LDHAL6B: variants seen among roughly 807,000 people sequenced by gnomAD.
LDHAL6B encodes the protein lactate dehydrogenase A like 6B.
For missense variants in LDHAL6B, 523 were observed against 473.9 expected (o/e 1.10, Z -0.96); for synonymous variants, 205 against 170.6 (o/e 1.20, Z -1.57).
In LDHAL6B at chr15:59,208,096, A is replaced by T; in HGVS notation, c.*10A>T. 1 of 1,551,420 alleles carries T rather than the reference A, an allele frequency of 6.4e-7. No homozygotes were observed. The highest frequency in any genetic ancestry group is 1.4e-5 in the African/African-American group (1 of 72,228). ...TAAGCTTAAGCTTTAAAGTTGCCTA[A>T]AACTACCATTCCGAAATTATTGAAG... On this transcript the variant is annotated 3_prime_UTR_variant, in exon 1 of 1. Transcript: ENST00000307144.
rs2079845764 is a variant in LDHAL6B at position 59,207,484 on chromosome 15, C to T, written c.544C>T (p.Leu182=). The change falls in exon 1 of 1, where the codon CTG becomes TTG. Residue 182 remains leucine, a synonymous_variant. Transcript: ENST00000307144. ...SIVQYSPHCK[L]IIVSNPVDIL... is the part of the protein sequence containing the mutation. ...TGTCCAGTACAGCCCCCACTGCAAA[C>T]TGATTATTGTTTCCAATCCAGTGGA... 1.9e-6 allele frequency: 3 copies of T among 1,613,892 alleles called. No homozygotes were observed. The highest frequency in any genetic ancestry group is 1.7e-5 in the Admixed American group (1 of 59,986).
rs1371269208 is a variant in LDHAL6B, at chr15:59,207,429, G to A, written c.489G>A (p.Val163=). The change falls in exon 1 of 1, where the codon GTG becomes GTA. Residue 163 remains valine, a synonymous_variant. Coordinates refer to ENST00000307144, the MANE Select transcript of LDHAL6B (RefSeq NM_033195.3). ...ETRLNLVQRN[V]AIFKLMISSI... is the part of the protein sequence containing the mutation. ...GCCTTAATTTAGTCCAGCGAAATGT[G>A]GCCATCTTCAAGTTAATGATTTCCA... The A allele has an allele frequency of 1.1e-5, 18 of 1,613,904 alleles. No individual in the cohort carries two copies. The African/African-American group carries it at 1.9e-4, about 17-fold the overall frequency.
chr15:59,207,431 C>A lies in LDHAL6B; in HGVS notation c.491C>A (p.Ala164Asp). 6.2e-7 allele frequency: 1 copy of A among 1,614,024 alleles called. No individual in the cohort carries two copies. The highest frequency in any genetic ancestry group is 1.3e-5 in the African/African-American group (1 of 75,028). Residue 164 changes from alanine (A) to aspartate (D), a missense_variant, in exon 1 of 1, where the codon GCC becomes GAC. Transcript: ENST00000307144. ...CTTAATTTAGTCCAGCGAAATGTGG[C>A]CATCTTCAAGTTAATGATTTCCAGT... is the stretch of plus-strand genomic sequence containing the variant. ...TRLNLVQRNV[A>D]IFKLMISSIV...
In LDHAL6B at chr15:59,206,910, T is replaced by TTC. The variant is rs1296759217; in HGVS notation, c.-22_-21dup. 6 of 1,588,930 alleles carry TTC rather than the reference T, an allele frequency of 3.8e-6. No individual in the cohort carries two copies. The South Asian group carries it at 5.7e-5, about 15-fold the overall frequency. On this transcript the variant is annotated 5_prime_UTR_variant, in exon 1 of 1. Transcript: ENST00000307144. ...CGTTCGGATCAGCAGCTTTTTTCCATTCTCTCTCTCCACTTCTTCAGTGAG... is the reference window on the plus strand; with the variant it reads ...CGTTCGGATCAGCAGCTTTTTTCCATTCTCTCTCTCTCCACTTCTTCAGTGAG...
chr15:59,208,186 C>A lies in LDHAL6B; in HGVS notation c.*100C>A. On this transcript the variant is annotated 3_prime_UTR_variant, in exon 1 of 1. Transcript: ENST00000307144. ...AACTTGAATTCCTAAAAGATGGAAA[C>A]AGGAAAGTAGGTAGAGTGATTTTCC... 9.1e-7 allele frequency: 1 copy of A among 1,099,336 alleles called. No individual in the cohort carries two copies. The highest frequency in any genetic ancestry group is 1.3e-6 in the Non-Finnish European group (1 of 776,382). 68.1% of individuals were successfully genotyped at this position (1,099,336 alleles called of 1,614,324 possible). A position where few individuals can be genotyped will look rare whatever the true frequency, so the allele number is the denominator to read the frequency against.
In LDHAL6B at chr15:59,207,497, C is replaced by A. The variant is rs2079845958; in HGVS notation, c.557C>A (p.Ser186Tyr). The part of the protein sequence containing the change: ...YSPHCKLIIV[S>Y]NPVDILTYVA... ...CCCCACTGCAAACTGATTATTGTTTCCAATCCAGTGGATATCTTAACTTAT... is the reference window on the plus strand; with the variant it reads ...CCCCACTGCAAACTGATTATTGTTTACAATCCAGTGGATATCTTAACTTAT... The change falls in exon 1 of 1, where the codon TCC (serine) becomes TAC (tyrosine). Residue 186 changes from serine (S) to tyrosine (Y), a missense_variant. Transcript: ENST00000307144. 6.2e-7 allele frequency: 1 copy of A among 1,613,890 alleles called. No homozygotes were observed. Among genetic ancestry groups the A allele is most frequent in the South Asian group, 1.1e-5 (1 of 91,086 alleles).
At position 59,206,894 on chromosome 15, in the gene LDHAL6B, C is replaced by G. The variant is rs1433719939; in HGVS notation, c.-47C>G. The stretch of plus-strand genomic sequence containing the variant: ...TCTCTTGGCGTCTCAACGTTCGGAT[C>G]AGCAGCTTTTTTCCATTCTCTCTCT... On this transcript the variant is annotated 5_prime_UTR_variant, in exon 1 of 1. It adds an upstream start codon to the 5' untranslated region. Coordinates refer to ENST00000307144, the MANE Select transcript of LDHAL6B (RefSeq NM_033195.3). 1 of 1,568,998 alleles carries G rather than the reference C, an allele frequency of 6.4e-7. No homozygotes were observed. Among genetic ancestry groups the G allele is most frequent in the South Asian group, 1.2e-5 (1 of 83,462 alleles).
rs117906902 is a variant in LDHAL6B at position 59,207,135 on chromosome 15, G to A, written c.195G>A (p.Lys65=). ...TTATTGAGCGTTTCACTTCCGAGAA[G>A]CCCGTTCATCACAGTAAGGTCTCCA... The part of the protein sequence containing the change: ...SELIERFTSE[K]PVHHSKVSII... The change falls in exon 1 of 1, where the codon AAG becomes AAA. Residue 65 remains lysine, a synonymous_variant. Coordinates refer to ENST00000307144, the MANE Select transcript of LDHAL6B (RefSeq NM_033195.3). 4 of 1,614,224 alleles carry A rather than the reference G, an allele frequency of 2.5e-6. No individual in the cohort carries two copies. The highest frequency in any genetic ancestry group is 3.3e-5 in the Admixed American group (2 of 60,028).
rs58611208 is a variant in LDHAL6B at position 59,208,422 on chromosome 15, T to C, written c.*336T>C. ...TTTCATTAGATATATGCTATTTCTT[T>C]CATTCTTGCTGGTTTATACCTATGT... On this transcript the variant is annotated 3_prime_UTR_variant, in exon 1 of 1. Transcript: ENST00000307144. 4.7e-3 allele frequency: 2,721 copies of C among 582,734 alleles called. 67 individuals are homozygous for C. The African/African-American group carries it at 0.047, about 10-fold the overall frequency. The allele number at this position is 582,734 out of a possible 1,614,324, so 36.1% of individuals were successfully genotyped here. A position where few individuals can be genotyped will look rare whatever the true frequency, so the allele number is the denominator to read the frequency against.
In LDHAL6B at chr15:59,207,852, T is replaced by C. The variant is rs369112802; in HGVS notation, c.912T>C (p.Ser304=). 6.2e-7 allele frequency: 1 copy of C among 1,614,102 alleles called. No homozygotes were observed. The highest frequency in any genetic ancestry group is 8.5e-7 in the Non-Finnish European group (1 of 1,180,026). Residue 304 remains serine (S), a synonymous_variant, in exon 1 of 1, where the codon TCT becomes TCC. Coordinates refer to ENST00000307144, the MANE Select transcript of LDHAL6B (RefSeq NM_033195.3). ...ATACTTCTTGGGCCATTGGCCTATCTGTGGCCGATTTAACAGAAAGTATTT... is the reference window on the plus strand; with the variant it reads ...ATACTTCTTGGGCCATTGGCCTATCCGTGGCCGATTTAACAGAAAGTATTT... ...KGYTSWAIGL[S]VADLTESILK... is the part of the protein sequence containing the mutation.
rs1388385580 is a variant in LDHAL6B at position 59,208,569 on chromosome 15, C to G, written c.*483C>G. 7.6e-7 allele frequency: 1 copy of G among 1,317,304 alleles called. No homozygotes were observed. The highest frequency in any genetic ancestry group is 1.7e-5 in the Admixed American group (1 of 58,930). The allele number at this position is 1,317,304 out of a possible 1,614,324, so 81.6% of individuals were successfully genotyped here. A position where few individuals can be genotyped will look rare whatever the true frequency, so the allele number is the denominator to read the frequency against. Reference sequence around the variant, plus strand: ...GCTTCCTTTGATAGTTAATAAATTCCGTTTGTTGAATCAATAAAATACGGC... The same window carrying G: ...GCTTCCTTTGATAGTTAATAAATTCGGTTTGTTGAATCAATAAAATACGGC... On this transcript the variant is annotated 3_prime_UTR_variant, in exon 1 of 1. Transcript: ENST00000307144.
chr15:59,208,330 G>A lies in LDHAL6B; in HGVS notation c.*244G>A. 1 of 561,488 alleles carries A rather than the reference G, an allele frequency of 1.8e-6. No individual in the cohort carries two copies. The highest frequency in any genetic ancestry group is 3.2e-6 in the Non-Finnish European group (1 of 314,116). The allele number at this position is 561,488 out of a possible 1,614,324, so 34.8% of individuals were successfully genotyped here. ...GCAGCACTTGCCATGTTATATATATGTAGTTGGCATTTGGTTCCCAAAAAG... is the reference window on the plus strand; with the variant it reads ...GCAGCACTTGCCATGTTATATATATATAGTTGGCATTTGGTTCCCAAAAAG... On this transcript the variant is annotated 3_prime_UTR_variant, in exon 1 of 1. Coordinates refer to ENST00000307144, the MANE Select transcript of LDHAL6B (RefSeq NM_033195.3).
rs770861711 is a variant in LDHAL6B at position 59,207,524 on chromosome 15, T to A, written c.584T>A (p.Val195Glu). ...AATCCAGTGGATATCTTAACTTATG[T>A]AGCTTGGAAGTTGAGTGCATTTCCC... Reference protein sequence around the residue: ...VSNPVDILTYVAWKLSAFPKN... With the variant: ...VSNPVDILTYEAWKLSAFPKN... Residue 195 changes from valine to glutamate, a missense_variant, in exon 1 of 1, where the codon GTA becomes GAA. Physicochemically the swap from Val to Glu is moderately radical, Grantham distance 121. Coordinates refer to ENST00000307144, the MANE Select transcript of LDHAL6B (RefSeq NM_033195.3). 1.7e-5 allele frequency: 27 copies of A among 1,614,056 alleles called. No homozygotes were observed. Among genetic ancestry groups the A allele is most frequent in the Non-Finnish European group, 2.2e-5 (26 of 1,179,924 alleles).
In LDHAL6B at chr15:59,207,348, A is replaced by G; in HGVS notation, c.408A>G (p.Ala136=). 1 of 1,614,108 alleles carries G rather than the reference A, an allele frequency of 6.2e-7. No individual in the cohort carries two copies. The highest frequency in any genetic ancestry group is 1.7e-5 in the Admixed American group (1 of 60,020). The change falls in exon 1 of 1, where the codon GCA becomes GCG. Residue 136 remains alanine (A), a synonymous_variant. Transcript: ENST00000307144. The part of the protein sequence containing the change: ...IVCSKDYFVT[A]NSNLVIITAG... ...GTAGCAAAGATTACTTTGTCACAGC[A>G]AACTCCAACCTAGTGATTATCACAG...
At position 59,207,484 on chromosome 15, in the gene LDHAL6B, C is replaced by A; in HGVS notation, c.544C>A (p.Leu182Met). Residue 182 changes from leucine to methionine, a missense_variant, in exon 1 of 1, where the codon CTG becomes ATG. Physicochemically the swap from Leu to Met is conservative, Grantham distance 15. Coordinates refer to ENST00000307144, the MANE Select transcript of LDHAL6B (RefSeq NM_033195.3). ...TGTCCAGTACAGCCCCCACTGCAAACTGATTATTGTTTCCAATCCAGTGGA... is the reference window on the plus strand; with the variant it reads ...TGTCCAGTACAGCCCCCACTGCAAAATGATTATTGTTTCCAATCCAGTGGA... ...SIVQYSPHCK[L>M]IIVSNPVDIL... 1.9e-6 allele frequency: 3 copies of A among 1,614,010 alleles called. No individual in the cohort carries two copies. Among genetic ancestry groups the A allele is most frequent in the Non-Finnish European group, 2.5e-6 (3 of 1,179,900 alleles).
In LDHAL6B at chr15:59,207,808, A is replaced by T; in HGVS notation, c.868A>T (p.Ile290Phe). 6.2e-7 allele frequency: 1 copy of T among 1,614,204 alleles called. No individual in the cohort carries two copies. Among genetic ancestry groups the T allele is most frequent in the Non-Finnish European group, 8.5e-7 (1 of 1,180,048 alleles). The change falls in exon 1 of 1, where the codon ATT becomes TTT. Residue 290 changes from isoleucine to phenylalanine, a missense_variant. Transcript: ENST00000307144. ...AGAAGTGACTGCAACTGCCTATGAG[A>T]TTATTAAAATGAAAGGTTATACTTC... ...HKEVTATAYEIIKMKGYTSWA... is the reference protein window; with the variant it reads ...HKEVTATAYEFIKMKGYTSWA...
chr15:59,207,608 T>G lies in LDHAL6B; in HGVS notation c.668T>G (p.Ile223Ser). The G allele has an allele frequency of 6.2e-7, 1 of 1,614,154 alleles. No homozygotes were observed. The highest frequency in any genetic ancestry group is 8.5e-7 in the Non-Finnish European group (1 of 1,180,012). Reference sequence around the variant, plus strand: ...GATACTGCTCGTTTTCGTTTCTTGATTGGACAAAAGCTTGGTATCCATTCT... The same window carrying G: ...GATACTGCTCGTTTTCGTTTCTTGAGTGGACAAAAGCTTGGTATCCATTCT... ...NLDTARFRFLIGQKLGIHSES... is the reference protein window; with the variant it reads ...NLDTARFRFLSGQKLGIHSES... The change falls in exon 1 of 1, where the codon ATT becomes AGT. Residue 223 changes from isoleucine to serine, a missense_variant. Transcript: ENST00000307144.
At position 59,208,246 on chromosome 15, in the gene LDHAL6B, TC is replaced by T; in HGVS notation, c.*162del. The stretch of plus-strand genomic sequence containing the variant: ...AGTCCTCCAGCTCTTTTATTGAGCA[TC>T]CACGTGCTGGACGATACTTATTTAC... On this transcript the variant is annotated 3_prime_UTR_variant, in exon 1 of 1. Coordinates refer to ENST00000307144, the MANE Select transcript of LDHAL6B (RefSeq NM_033195.3). 1.5e-6 allele frequency: 1 copy of T among 666,494 alleles called. No homozygotes were observed. The highest frequency in any genetic ancestry group is 2.9e-5 in the East Asian group (1 of 35,078). The allele number at this position is 666,494 out of a possible 1,614,324, so 41.3% of individuals were successfully genotyped here. A position where few individuals can be genotyped will look rare whatever the true frequency, so the allele number is the denominator to read the frequency against.
At position 59,207,585 on chromosome 15, in the gene LDHAL6B, T is replaced by G; in HGVS notation, c.645T>G (p.Asp215Glu). The change falls in exon 1 of 1, where the codon GAT becomes GAG. Residue 215 changes from aspartate to glutamate, a missense_variant. Asp to Glu is a conservative substitution (Grantham distance 45). Coordinates refer to ENST00000307144, the MANE Select transcript of LDHAL6B (RefSeq NM_033195.3). The part of the protein sequence containing the change: ...NRIIGSGCNL[D>E]TARFRFLIGQ... The stretch of plus-strand genomic sequence containing the variant: ...TTATTGGAAGCGGCTGTAATCTGGA[T>G]ACTGCTCGTTTTCGTTTCTTGATTG... 1 of 1,614,160 alleles carries G rather than the reference T, an allele frequency of 6.2e-7. No individual in the cohort carries two copies. The highest frequency in any genetic ancestry group is 8.5e-7 in the Non-Finnish European group (1 of 1,180,006).
Sources: gnomAD v4.1 joint callset for allele counts on GRCh38, gnomAD v4.1.1 for gene constraint, MANE v1.5 for transcripts, NCBI Gene and HGNC (gene_info 2026-07-23, HGNC 2026-07-21) for gene names.